ARHGAP10: variants seen among roughly 807,000 people sequenced by gnomAD.
The protein encoded by ARHGAP10 is rho GTPase-activating protein 10.
ARHGAP10 carries 87 observed loss-of-function variants against 108.6 expected under a neutral mutation model. The observed-to-expected ratio is 0.80, with a 90% CI of 0.67 to 0.96. The LOEUF (loss-of-function observed/expected upper bound fraction) is 0.96, where lower values mean the gene tolerates loss of function less well. Among genes scored for constraint, ARHGAP10 ranks in the 40% least tolerant of loss-of-function variants. The pLI is 0.00. For missense variants in ARHGAP10, 939 were observed against 954.5 expected (o/e 0.98, Z 0.21); for synonymous variants, 347 against 341.1 (o/e 1.02, Z -0.19).
chr4:147,819,055 C>A (rs1732379077), intron 1 of ARHGAP10, among the ~76,000 whole-genome samples: 1 of 152,178 alleles, frequency 6.6e-6, no homozygotes, highest in Admixed American at 6.5e-5. Flanking sequence ...GGGAGAAATA[C>A]ATCAGATTAG....
Position 148,001,907 on chromosome 4 carries a change from CT to C in ARHGAP10, c.1717-21353del, listed in dbSNP as rs1240533327. Among the ~76,000 whole-genome samples, 4 of 152,202 alleles carry C rather than the reference CT, an allele frequency of 2.6e-5. 1 individual carries two copies. In the Middle Eastern group the frequency reaches 0.01, roughly 388 times the overall value. On this transcript the variant is annotated intron_variant, in intron 18 of 22. Transcript: ENST00000336498. ...TTTCCTAATTGAATACCCTTTATTT[CT>C]TTCTCCTGCCTGATTGCCCTGGCCA...
At chr4:147,878,862 T>C in intron 8 of ARHGAP10, among the ~76,000 whole-genome samples, 1 of 149,946 alleles carries the variant, frequency 6.7e-6, no homozygotes. Context: ...CTGCAAGCTC[T>C]GCCTCTTGGG....
intron 18 of ARHGAP10, among the ~76,000 whole-genome samples, chr4:147,975,827 C>T (rs1324884935): frequency 1.3e-5 from 2 of 152,210 alleles, no homozygotes; most frequent in Admixed American, 1.3e-4. Flanking sequence ...CCAATGTAAT[C>T]ACCAGAATAA....
At chr4:147,872,099 CAAAAAAAAAAA>C (rs36205660) in intron 7 of ARHGAP10, among the ~76,000 whole-genome samples, 1 of 70,028 alleles carries the variant, frequency 1.4e-5, no homozygotes, top group Non-Finnish European at 3.5e-5. Context: ...GAGACTCGGT[CAAAAAAAAAAA>C]AAAAAAAAAA....
At chr4:147,759,976 C>T (rs1729529751) in intron 1 of ARHGAP10, among the ~76,000 whole-genome samples, 1 of 152,178 alleles carries the variant, frequency 6.6e-6, no homozygotes, top group Admixed American at 6.5e-5. Context: ...TCTCAGACTC[C>T]TGACCTCAGG....
intron 1 of ARHGAP10, among the ~76,000 whole-genome samples, chr4:147,782,893 T>C (rs1406429042): frequency 2.8e-5 from 4 of 142,516 alleles, no homozygotes; most frequent in Non-Finnish European, 6.1e-5. Context: ...ATATAACATA[T>C]ATTACGTATT....
At chr4:147,774,636 C>T (rs764763573) in intron 1 of ARHGAP10, among the ~76,000 whole-genome samples, 1 of 152,068 alleles carries the variant, frequency 6.6e-6, no homozygotes, top group African/African-American at 2.4e-5. Context: ...GGGTGACCAC[C>T]CAGGATTTAC....
chr4:147,771,473 T>C (rs1472486284), intron 1 of ARHGAP10, among the ~76,000 whole-genome samples: 1 of 135,908 alleles, frequency 7.4e-6, no homozygotes, highest in African/African-American at 2.5e-5. Flanking sequence ...CAAACAAATA[T>C]ACTCTTTTAT....
At chr4:147,835,392 C>T (rs903502293) in intron 3 of ARHGAP10, among the ~76,000 whole-genome samples, 5 of 151,824 alleles carry the variant, frequency 3.3e-5, no homozygotes, top group Non-Finnish European at 5.9e-5. Context: ...TTTTCCTTTT[C>T]CCTTAAGTCT....
intron 3 of ARHGAP10, among the ~76,000 whole-genome samples, chr4:147,838,942 T>C (rs1240298369): frequency 1.3e-5 from 2 of 152,216 alleles, no homozygotes; most frequent in Non-Finnish European, 2.9e-5. Context: ...TAGGGCTATT[T>C]TAGGCTAAGA....
intron 3 of ARHGAP10, among the ~76,000 whole-genome samples, chr4:147,828,929 G>A (rs1376174557): frequency 1.3e-5 from 2 of 151,190 alleles, no homozygotes; most frequent in African/African-American, 4.9e-5. Flanking sequence ...CCAGGCTGGA[G>A]TACAGTGGCA....
intron 18 of ARHGAP10, among the ~76,000 whole-genome samples, chr4:148,010,812 G>A (rs1379809427): frequency 6.6e-6 from 1 of 152,214 alleles, no homozygotes; most frequent in Non-Finnish European, 1.5e-5. Flanking sequence ...GGTGATTTGT[G>A]TGTGTGTAAA....
intron 15 of ARHGAP10, among the ~76,000 whole-genome samples, chr4:147,954,021 A>T (rs765693730): frequency 5.9e-5 from 9 of 151,932 alleles, no homozygotes; most frequent in Non-Finnish European, 5.9e-5. Context: ...TCTTTCTGTT[A>T]TTGATTTTTA....
intron 1 of ARHGAP10, among the ~76,000 whole-genome samples, chr4:147,736,943 C>T (rs1728443040): frequency 6.6e-6 from 1 of 152,212 alleles, no homozygotes. Context: ...TTTCTGTATT[C>T]TCTCATGATG....
At chr4:147,947,394 G>T (rs1738428048) in intron 15 of ARHGAP10, among the ~76,000 whole-genome samples, 1 of 151,956 alleles carries the variant, frequency 6.6e-6, no homozygotes, top group African/African-American at 2.4e-5. Flanking sequence ...CAAACGAATG[G>T]CCTAGGACCA....
At chr4:147,966,579 T>A (rs1739209814) in intron 17 of ARHGAP10, 101 bp from the exon 18 acceptor site, 1 of 1,171,664 alleles carries the variant, frequency 8.5e-7, no homozygotes, top group African/African-American at 1.5e-5. Flanking sequence ...TTAAGTCTCT[T>A]GACCCCTTGC....
At chr4:147,997,627 C>A (rs1560866181) in intron 18 of ARHGAP10, among the ~76,000 whole-genome samples, 1 of 152,126 alleles carries the variant, frequency 6.6e-6, no homozygotes, top group Admixed American at 6.5e-5. Flanking sequence ...GAACCAGACA[C>A]GTAGAACAGA....
rs143959489 is a variant in ARHGAP10, at chr4:147,954,071, T to A, written c.1392-1245T>A. On this transcript the variant is annotated intron_variant, in intron 15 of 22. Coordinates refer to ENST00000336498, the MANE Select transcript of ARHGAP10 (RefSeq NM_024605.4). The stretch of plus-strand genomic sequence containing the variant: ...GTAATCAAAAAACAAACTCTGTGTG[T>A]CTTAAACCCTTTTTATTTTTTGAGA... Among the ~76,000 whole-genome samples, 458 of 151,932 alleles carry A rather than the reference T, an allele frequency of 3.0e-3. 1 individual carries two copies. The highest frequency in any genetic ancestry group is 9.8e-3 in the African/African-American group (406 of 41,318).
At chr4:148,028,549 T>G in intron 19 of ARHGAP10, among the ~76,000 whole-genome samples, 1 of 152,240 alleles carries the variant, frequency 6.6e-6, no homozygotes, top group South Asian at 2.1e-4. Flanking sequence ...ACTCGAACTC[T>G]AGCTGCTGCT....
Sources: allele counts gnomAD v4.1 joint callset (sites outside exome capture counted in the v4.1 genomes callset), GRCh38; gene constraint gnomAD v4.1.1; transcripts MANE v1.5; gene names NCBI Gene and HGNC (gene_info 2026-07-23, HGNC 2026-07-21).